CTNNA3: variants seen among roughly 807,000 people sequenced by gnomAD.
The protein encoded by CTNNA3 is catenin alpha 3, also known as catenin alpha-3.
In CTNNA3, 76 loss-of-function variants were observed where a neutral mutation model predicts 95.7. That is an observed-to-expected ratio of 0.79 (90% CI 0.66 to 0.96). The LOEUF is 0.96. Ranked by LOEUF, CTNNA3 falls within the 40% of genes least tolerant of loss-of-function variation. The pLI is 0.00. For synonymous variants in CTNNA3, 431 were observed against 374.4 expected (o/e 1.15, Z -1.74); for missense variants, 1,191 against 1,089.8 (o/e 1.09, Z -1.31).
intron 9 of CTNNA3, among the ~76,000 whole-genome samples, chr10:66,669,542 A>G (rs2132467478): frequency 6.6e-6 from 1 of 151,946 alleles, no homozygotes; most frequent in East Asian, 1.9e-4. Context: ...ACTTTTGTCA[A>G]AAAAAAAGAA....
chr10:67,243,315 C>A (rs1865787037), intron 5 of CTNNA3, among the ~76,000 whole-genome samples: 1 of 152,112 alleles, frequency 6.6e-6, no homozygotes, highest in African/African-American at 2.4e-5. Flanking sequence ...CACTCATTAA[C>A]TATTTCTCCA....
intron 12 of CTNNA3, among the ~76,000 whole-genome samples, chr10:66,356,956 A>G (rs1000013807): frequency 6.6e-6 from 1 of 152,002 alleles, no homozygotes; most frequent in African/African-American, 2.4e-5. Flanking sequence ...CTTGAGATAA[A>G]CTATACTTGG....
rs1234560483 is a variant in CTNNA3, at chr10:67,672,921, A to G, written c.-6+23079T>C. On this transcript the variant is annotated intron_variant, in intron 1 of 17. Coordinates refer to ENST00000433211, the MANE Select transcript of CTNNA3 (RefSeq NM_013266.4). Reference sequence around the variant, plus strand: ...GAAAGTCATTGGTAGCTTGATGGGGATGGCATTGAATCTATAAATTACCTT... The same window carrying G: ...GAAAGTCATTGGTAGCTTGATGGGGGTGGCATTGAATCTATAAATTACCTT... Among the ~76,000 whole-genome samples, 4 of 152,072 alleles carry G rather than the reference A, an allele frequency of 2.6e-5. No individual in the cohort carries two copies. In the Middle Eastern group the frequency reaches 0.014, roughly 517 times the overall value.
At chr10:66,692,605 C>T (rs1487171811) in intron 9 of CTNNA3, among the ~76,000 whole-genome samples, 2 of 152,078 alleles carry the variant, frequency 1.3e-5, no homozygotes, top group African/African-American at 2.4e-5. Flanking sequence ...TCAGGAAATA[C>T]AGAGGACACC....
At chr10:67,621,134 C>T (rs1843832089) in intron 2 of CTNNA3, among the ~76,000 whole-genome samples, 1 of 151,952 alleles carries the variant, frequency 6.6e-6, no homozygotes, top group Non-Finnish European at 1.5e-5. Flanking sequence ...AAATTATTGT[C>T]TAGTCCTACT....
At chr10:67,697,088 C>T (rs1336464070), upstream of CTNNA3, among the ~76,000 whole-genome samples, 1 of 152,168 alleles carries the variant, frequency 6.6e-6, no homozygotes. Context: ...AAGGCAGGGT[C>T]TGGGAACTGT....
intron 7 of CTNNA3, among the ~76,000 whole-genome samples, chr10:66,892,598 A>G (rs373390955): frequency 1.3e-5 from 2 of 152,226 alleles, no homozygotes; most frequent in East Asian, 3.9e-4. Context: ...TTAAAGTGAA[A>G]AAATCCAATA....
chr10:66,825,026 T>C (rs1045199596), intron 7 of CTNNA3, among the ~76,000 whole-genome samples: 3 of 151,548 alleles, frequency 2.0e-5, no homozygotes, highest in Non-Finnish European at 4.4e-5. Context: ...GCAACTTTTC[T>C]GTAAATCTAA....
At chr10:67,039,616 G>T (rs79626851) in intron 7 of CTNNA3, among the ~76,000 whole-genome samples, 1,836 of 152,102 alleles carry the variant, frequency 0.012, 48 homozygotes, top group African/African-American at 0.042. Context: ...AATATCTAGA[G>T]GTTAGAGGTG....
chr10:67,256,717 T>C (rs1282234771), intron 5 of CTNNA3, among the ~76,000 whole-genome samples: 1 of 152,122 alleles, frequency 6.6e-6, no homozygotes, highest in Non-Finnish European at 1.5e-5. Flanking sequence ...CCAGGAAGGA[T>C]AAACAGAACA....
At chr10:67,073,726 C>T (rs923907030) in intron 7 of CTNNA3, among the ~76,000 whole-genome samples, 2 of 151,904 alleles carry the variant, frequency 1.3e-5, no homozygotes, top group Non-Finnish European at 2.9e-5. Flanking sequence ...AAATCAAAGA[C>T]AGATAAACAA....
At chr10:66,355,141 A>G (rs1439843734) in intron 12 of CTNNA3, among the ~76,000 whole-genome samples, 1 of 152,130 alleles carries the variant, frequency 6.6e-6, no homozygotes, top group Non-Finnish European at 1.5e-5. Flanking sequence ...AAGTAGATAT[A>G]CGATTTAAAA....
intron 17 of CTNNA3, among the ~76,000 whole-genome samples, chr10:65,945,015 G>C (rs922981156): frequency 6.6e-6 from 1 of 152,180 alleles, no homozygotes; most frequent in South Asian, 2.1e-4. Flanking sequence ...GATTTAGCAA[G>C]TTAGCTATTC....
At chr10:67,469,608 G>C (rs556710141) in intron 5 of CTNNA3, among the ~76,000 whole-genome samples, 1 of 151,692 alleles carries the variant, frequency 6.6e-6, no homozygotes, top group Non-Finnish European at 1.5e-5. Context: ...GGGGCCTGTC[G>C]GGGGGTGGGG....
chr10:67,377,212 A>G (rs1843725429), intron 5 of CTNNA3, among the ~76,000 whole-genome samples: 1 of 152,210 alleles, frequency 6.6e-6, no homozygotes, highest in South Asian at 2.1e-4. Flanking sequence ...CAGACCTAAA[A>G]AGATTTAACC....
chr10:66,819,858 T>C (rs1457261345), intron 7 of CTNNA3, among the ~76,000 whole-genome samples: 2 of 152,014 alleles, frequency 1.3e-5, no homozygotes, highest in Non-Finnish European at 2.9e-5. Context: ...ATGTGGAAAA[T>C]GGGAAACCTT....
chr10:65,948,106 T>C (rs2077548235), intron 17 of CTNNA3, among the ~76,000 whole-genome samples: 2 of 151,794 alleles, frequency 1.3e-5, no homozygotes, highest in South Asian at 4.2e-4. Flanking sequence ...TGAAACCCCG[T>C]CTCTACTAAA....
intron 7 of CTNNA3, among the ~76,000 whole-genome samples, chr10:67,175,960 T>G (rs1463175366): frequency 1.3e-5 from 2 of 152,298 alleles, no homozygotes; most frequent in East Asian, 3.9e-4. Context: ...TCCTTAATTA[T>G]GTTATACATC....
At chr10:66,028,334 T>C (rs2133448461) in intron 15 of CTNNA3, among the ~76,000 whole-genome samples, 1 of 152,306 alleles carries the variant, frequency 6.6e-6, no homozygotes, top group African/African-American at 2.4e-5. Flanking sequence ...ATAGCAGACT[T>C]GGAACCAACC....
Sources: allele counts gnomAD v4.1 joint callset (sites outside exome capture counted in the v4.1 genomes callset), GRCh38; gene constraint gnomAD v4.1.1; transcripts MANE v1.5; gene names NCBI Gene and HGNC (gene_info 2026-07-23, HGNC 2026-07-21).